TLL1: variants seen among roughly 807,000 people sequenced by gnomAD.
TLL1 encodes tolloid like 1.
TLL1 carries 49 observed loss-of-function variants against 128.2 expected under a neutral mutation model. The ratio of observed to expected loss-of-function variants is 0.38; its 90% CI spans 0.30 to 0.48. The LOEUF is 0.48. TLL1 is among the 20% of genes least tolerant of loss of function. TLL1 has a pLI of 0.96. For synonymous variants in TLL1, 454 were observed against 418.8 expected, an observed-to-expected ratio of 1.08 and a Z score of -1.03; for missense variants, 1,123 against 1,242.0, an observed-to-expected ratio of 0.90 and a Z score of 1.44.
chr4:165,890,360 T>A (rs542941242), intron 1 of TLL1, among the ~76,000 whole-genome samples: 2 of 152,180 alleles, frequency 1.3e-5, no homozygotes, highest in African/African-American at 4.8e-5. Flanking sequence ...AAGTCTTAAC[T>A]CATTCCATCA....
At chr4:165,935,744 A>G (rs1195913068) in intron 1 of TLL1, among the ~76,000 whole-genome samples, 3 of 152,162 alleles carry the variant, frequency 2.0e-5, no homozygotes, top group African/African-American at 7.2e-5. Flanking sequence ...TAGAAATCTG[A>G]TGTCTTTTAA....
intron 1 of TLL1, among the ~76,000 whole-genome samples, chr4:165,897,516 G>T (rs1731734733): frequency 6.6e-6 from 1 of 152,098 alleles, no homozygotes. Flanking sequence ...TGTCAAGTTT[G>T]TCAGAGATCA....
intron 1 of TLL1, among the ~76,000 whole-genome samples, chr4:165,892,696 A>G (rs543660200): frequency 6.6e-6 from 1 of 152,336 alleles, no homozygotes; most frequent in African/African-American, 2.4e-5. Flanking sequence ...GAACATATTC[A>G]CTAGGAAGGC....
chr4:166,018,374 C>T lies in TLL1; in HGVS notation c.1042+3814C>T, dbSNP rs146901931. Among the ~76,000 whole-genome samples, 522 of 152,202 alleles carry T rather than the reference C, an allele frequency of 3.4e-3. 4 individuals carry two copies. The highest frequency in any genetic ancestry group is 5.0e-3 in the Admixed American group (77 of 15,266). ...AGCCTTAAATAAAACATAGGGATCA[C>T]CATTCTGGACATTGGCCTTGGGAAA... is the stretch of plus-strand genomic sequence containing the variant. On this transcript the variant is annotated intron_variant, in intron 8 of 20. Transcript: ENST00000061240.
intron 1 of TLL1, among the ~76,000 whole-genome samples, chr4:165,887,684 A>G (rs1252448330): frequency 1.3e-5 from 2 of 152,136 alleles, no homozygotes; most frequent in African/African-American, 4.8e-5. Context: ...TAACTTTGAA[A>G]TCAACTTGTC....
chr4:166,061,164 G>A (rs1487347237), intron 15 of TLL1, among the ~76,000 whole-genome samples: 1 of 151,238 alleles, frequency 6.6e-6, no homozygotes, highest in Non-Finnish European at 1.5e-5. Context: ...ATATTTGTGG[G>A]TTTTATACCA....
chr4:166,022,865 G>A (rs1315176294), intron 8 of TLL1, among the ~76,000 whole-genome samples: 1 of 152,050 alleles, frequency 6.6e-6, no homozygotes, highest in Non-Finnish European at 1.5e-5. Flanking sequence ...CAGTTGTTTT[G>A]TTTTAAATTT....
intron 20 of TLL1, among the ~76,000 whole-genome samples, chr4:166,099,922 T>C (rs943008563): frequency 7.2e-5 from 11 of 152,108 alleles, no homozygotes; most frequent in African/African-American, 2.4e-4. Context: ...ACCATTCTAA[T>C]TCACATTCTC....
Position 165,967,749 on chromosome 4 carries a change from G to A in TLL1, c.170-21632G>A, listed in dbSNP as rs75745820. 3.7e-3 allele frequency among the ~76,000 whole-genome samples: 565 copies of A among 152,154 alleles called. 8 individuals carry two copies. Among genetic ancestry groups the A allele is most frequent in the East Asian group, 0.023 (118 of 5,166 alleles). On this transcript the variant is annotated intron_variant, in intron 1 of 20. Coordinates refer to ENST00000061240, the MANE Select transcript of TLL1 (RefSeq NM_012464.5). ...ATTAGAAGGGCAGAAAAGTTATAGGGGTGTGTAAAGGGCAGAGTCAGTGGA... is the reference window on the plus strand; with the variant it reads ...ATTAGAAGGGCAGAAAAGTTATAGGAGTGTGTAAAGGGCAGAGTCAGTGGA...
At chr4:166,031,793 A>G (rs1372665257) in intron 9 of TLL1, among the ~76,000 whole-genome samples, 1 of 152,214 alleles carries the variant, frequency 6.6e-6, no homozygotes, top group Admixed American at 6.6e-5. Flanking sequence ...TGAATGAATT[A>G]GAATTCAACG....
chr4:166,008,883 A>G (rs981026384), intron 7 of TLL1, among the ~76,000 whole-genome samples: 1 of 151,368 alleles, frequency 6.6e-6, no homozygotes, highest in Non-Finnish European at 1.5e-5. Flanking sequence ...AAAGGGAAAA[A>G]TATTCAAATG....
chr4:165,983,614 G>A (rs1736252062), intron 1 of TLL1, among the ~76,000 whole-genome samples: 1 of 151,824 alleles, frequency 6.6e-6, no homozygotes, highest in Admixed American at 6.6e-5. Context: ...ATCTGATTGT[G>A]TATTGAGATT....
chr4:165,892,680 T>G (rs1037193540), intron 1 of TLL1, among the ~76,000 whole-genome samples: 2 of 152,224 alleles, frequency 1.3e-5, no homozygotes, highest in Non-Finnish European at 2.9e-5. Context: ...TTCATAAATG[T>G]GCTAAGAACA....
At chr4:165,977,101 A>G (rs1046688685) in intron 1 of TLL1, among the ~76,000 whole-genome samples, 12 of 152,186 alleles carry the variant, frequency 7.9e-5, no homozygotes, top group Admixed American at 7.2e-4. Context: ...CATAAATGTT[A>G]GAAGTTAGAT....
At chr4:165,927,454 C>T (rs1017024527) in intron 1 of TLL1, among the ~76,000 whole-genome samples, 2 of 152,014 alleles carry the variant, frequency 1.3e-5, no homozygotes, top group Admixed American at 1.3e-4. Flanking sequence ...AGCCATAGAC[C>T]AAGTGACAAC....
intron 1 of TLL1, among the ~76,000 whole-genome samples, chr4:165,896,032 C>T (rs1731659563): frequency 6.6e-6 from 1 of 152,038 alleles, no homozygotes; most frequent in African/African-American, 2.4e-5. Context: ...TTGCTGCACC[C>T]ATCAACCCAT....
chr4:165,977,235 A>G (rs920069293), intron 1 of TLL1, among the ~76,000 whole-genome samples: 1 of 152,146 alleles, frequency 6.6e-6, no homozygotes, highest in Non-Finnish European at 1.5e-5. Context: ...AGGTGATTGG[A>G]TCATGGGGGG....
At chr4:165,987,375 G>A (rs1736434998) in intron 1 of TLL1, among the ~76,000 whole-genome samples, 2 of 152,048 alleles carry the variant, frequency 1.3e-5, no homozygotes, top group Admixed American at 1.3e-4. Flanking sequence ...GTTTCTTGCG[G>A]GGGTCTGGCT....
chr4:166,008,021 T>C lies in TLL1; in HGVS notation c.890T>C (p.Met297Thr), dbSNP rs778292512. Residue 297 changes from methionine (M) to threonine (T), a missense_variant, in exon 7 of 21, where the codon ATG becomes ACG. Around this residue, in one of 3 missense-constraint regions of TLL1, gnomAD observed 480 missense variants for 542.4 expected, o/e 0.89. Transcript: ENST00000061240. ...LGERYDFDSI[M>T]HYARNTFSRG... Reference sequence around the variant, plus strand: ...GAAAGATATGATTTCGACAGTATCATGCACTATGCCAGGAACACCTTCTCA... The same window carrying C: ...GAAAGATATGATTTCGACAGTATCACGCACTATGCCAGGAACACCTTCTCA... The C allele has an allele frequency of 6.2e-7, 1 of 1,609,736 alleles. No homozygotes were observed. Among genetic ancestry groups the C allele is most frequent in the Non-Finnish European group, 8.5e-7 (1 of 1,176,788 alleles).
Sources: allele counts gnomAD v4.1 joint callset (sites outside exome capture counted in the v4.1 genomes callset), GRCh38; gene constraint gnomAD v4.1.1; regional missense constraint gnomAD v4.1.1; transcripts MANE v1.5; gene names NCBI Gene and HGNC (gene_info 2026-07-23, HGNC 2026-07-21).